PDE1A: variants seen among roughly 807,000 people sequenced by gnomAD.
PDE1A encodes the protein phosphodiesterase 1A, also known as dual specificity calcium/calmodulin-dependent 3',5'-cyclic nucleotide phosphodiesterase 1A.
In PDE1A, 35 loss-of-function variants were observed where a neutral mutation model predicts 61.7. The ratio of observed to expected loss-of-function variants is 0.57; its 90% CI spans 0.43 to 0.75. The LOEUF (loss-of-function observed/expected upper bound fraction) is 0.75. PDE1A is among the 30% of genes least tolerant of loss of function. PDE1A has a pLI of 0.00. For synonymous variants in PDE1A, 232 were observed against 213.2 expected, an observed-to-expected ratio of 1.09 and a Z score of -0.77; for missense variants, 597 against 630.6, an observed-to-expected ratio of 0.95 and a Z score of 0.57.
At chr2:182,479,133 A>G (rs1687551343) in intron 2 of PDE1A, among the ~76,000 whole-genome samples, 1 of 151,932 alleles carries the variant, frequency 6.6e-6, no homozygotes, top group African/African-American at 2.4e-5. Context: ...AATCCTACAA[A>G]TGGATAATCC....
rs73977311 is a variant in PDE1A, at chr2:182,224,042, G to A, written c.676-78C>T. ...CCTTTCTTTGAAAAGGACTTTCAGT[G>A]CACCCTGTTTATGTAATCATATAAA... On this transcript the variant is annotated intron_variant, in intron 6 of 13. Transcript: ENST00000351439. The A allele has an allele frequency of 7.9e-3, 6,862 of 872,638 alleles. 340 individuals are homozygous for A. In the African/African-American group the frequency reaches 0.11, roughly 13 times the overall value. 54.1% of individuals were successfully genotyped at this position (872,638 alleles called of 1,614,324 possible). A position where few individuals can be genotyped will look rare whatever the true frequency, so the allele number is the denominator to read the frequency against.
intron 1 of PDE1A, among the ~76,000 whole-genome samples, chr2:182,393,438 G>T (rs1701532838): frequency 6.6e-6 from 1 of 152,046 alleles, no homozygotes; most frequent in African/African-American, 2.4e-5. Context: ...CTGCTGTGAA[G>T]GTCTCTGACA....
intron 1 of PDE1A, among the ~76,000 whole-genome samples, chr2:182,404,719 G>A (rs538789252): frequency 2.0e-5 from 3 of 152,122 alleles, no homozygotes. Context: ...CACAAGGTCA[G>A]GATAATATCA....
At chr2:182,242,911 T>C (rs6741105) in intron 2 of PDE1A, among the ~76,000 whole-genome samples, 36,498 of 86,908 alleles carry the variant, frequency 0.42, 5,711 homozygotes, top group Non-Finnish European at 0.51. Context: ...TCTCTCTCTC[T>C]CTCTCTCTCT....
intron 2 of PDE1A, among the ~76,000 whole-genome samples, chr2:182,503,024 C>G (rs12623018): frequency 0.35 from 51,921 of 148,558 alleles, 9,269 homozygotes; most frequent in Middle Eastern, 0.41. Context: ...TCTCTCTCCC[C>G]CTCCCCATTC....
At chr2:182,241,595 T>C (rs1690516393) in intron 2 of PDE1A, among the ~76,000 whole-genome samples, 1 of 152,234 alleles carries the variant, frequency 6.6e-6, no homozygotes. Context: ...TTCCTTTAAA[T>C]GACCTCTCAC....
At chr2:182,179,715 T>G (rs1197032833) in intron 13 of PDE1A, among the ~76,000 whole-genome samples, 3 of 152,166 alleles carry the variant, frequency 2.0e-5, no homozygotes, top group Non-Finnish European at 4.4e-5. Context: ...GTCTCTCTCT[T>G]TCTTCCCTGC....
At chr2:182,189,645 AT>A (rs1440563800) in intron 10 of PDE1A, among the ~76,000 whole-genome samples, 1 of 152,140 alleles carries the variant, frequency 6.6e-6, no homozygotes, top group Non-Finnish European at 1.5e-5. Flanking sequence ...TGAAATATCA[AT>A]TTTTTTATTA....
At chr2:182,646,599 G>A in the PDE1A span, among the ~76,000 whole-genome samples, 3 of 151,692 alleles carry the variant, frequency 2.0e-5, no homozygotes, top group Non-Finnish European at 4.4e-5. Context: ...CAGGAGAATC[G>A]CTTGAACCCG....
At chr2:182,255,947 C>T (rs972478799) in intron 2 of PDE1A, among the ~76,000 whole-genome samples, 1 of 151,518 alleles carries the variant, frequency 6.6e-6, no homozygotes, top group Non-Finnish European at 1.5e-5. Context: ...GCTGGGATTA[C>T]ATGCGTGAGC....
rs573189826 is a variant in PDE1A, at chr2:182,174,783, T to C, written c.1517-6493A>G. Among the ~76,000 whole-genome samples the C allele has an allele frequency of 2.6e-5, 4 of 152,254 alleles. No homozygotes were observed. The South Asian group carries it at 8.3e-4, about 32-fold the overall frequency. ...ATTATACTTTAAGTTCTGGGATACA[T>C]GTGCAGAATGTGTAGGTTTGTTACA... On this transcript the variant is annotated intron_variant, in intron 13 of 13. Coordinates refer to ENST00000351439, the Ensembl canonical transcript of PDE1A.
intron 7 of PDE1A, among the ~76,000 whole-genome samples, chr2:182,213,641 T>C (rs199923930): frequency 0.2 from 16,324 of 82,602 alleles, 1,638 homozygotes; most frequent in East Asian, 0.22. Flanking sequence ...CAGGAGCCGA[T>C]GTGATCAACT....
the PDE1A span, among the ~76,000 whole-genome samples, chr2:182,553,021 G>C: frequency 6.6e-6 from 1 of 152,156 alleles, no homozygotes; most frequent in Admixed American, 6.5e-5. Flanking sequence ...TCCTGATCTG[G>C]GCTAAAGGCT....
chr2:182,467,940 G>T (rs1686779513), intron 2 of PDE1A, among the ~76,000 whole-genome samples: 1 of 151,940 alleles, frequency 6.6e-6, no homozygotes, highest in Non-Finnish European at 1.5e-5. Context: ...AATTTATTAA[G>T]TGTGAAATAA....
the PDE1A span, among the ~76,000 whole-genome samples, chr2:182,627,259 ATT>A: frequency 7.5e-5 from 2 of 26,498 alleles, no homozygotes; most frequent in African/African-American, 9.7e-5. Flanking sequence ...ATAATATATT[ATT>A]TATATATAAA....
In PDE1A at chr2:182,378,409, G is replaced by A. The variant is rs564490693; in HGVS notation, c.53+48169C>T. On this transcript the variant is annotated intron_variant, in intron 1 of 13. Coordinates refer to ENST00000351439, the Ensembl canonical transcript of PDE1A. ...AAAAATGTTCAATGTTTTAATTGGT[G>A]ATGTGTTTGCATACTGAGTCAACAA... 7.9e-5 allele frequency among the ~76,000 whole-genome samples: 12 copies of A among 152,276 alleles called. No homozygotes were observed. In the South Asian group the frequency reaches 2.5e-3, roughly 32 times the overall value.
chr2:182,282,862 C>G (rs191419228), intron 1 of PDE1A, among the ~76,000 whole-genome samples: 2 of 152,092 alleles, frequency 1.3e-5, no homozygotes, highest in East Asian at 3.9e-4. Context: ...CACAAAAGCC[C>G]TAATGAAATA....
chr2:182,531,130 T>A, the PDE1A span, among the ~76,000 whole-genome samples: 3 of 151,344 alleles, frequency 2.0e-5, no homozygotes, highest in East Asian at 5.8e-4. Flanking sequence ...TTTAAACAAA[T>A]ACACTTAAAA....
chr2:182,586,728 A>G, the PDE1A span, among the ~76,000 whole-genome samples: 1 of 152,176 alleles, frequency 6.6e-6, no homozygotes, highest in Non-Finnish European at 1.5e-5. Context: ...AATATACCCT[A>G]GTAGGCAAGA....
Sources: allele counts gnomAD v4.1 joint callset (sites outside exome capture counted in the v4.1 genomes callset), GRCh38; gene constraint gnomAD v4.1.1; transcripts MANE v1.5; gene names NCBI Gene and HGNC (gene_info 2026-07-23, HGNC 2026-07-21).